The following RTN1 variants were observed in gnomAD, a reference collection of about 807,000 sequenced individuals.
RTN1 encodes the protein reticulon-1.
Under a neutral mutation model 65.5 loss-of-function variants are expected in RTN1, and 25 were observed. The observed-to-expected ratio is 0.38, with a 90% CI of 0.28 to 0.53. The LOEUF is 0.53. RTN1 is among the 20% of genes least tolerant of loss of function. The pLI is 0.79. For missense variants in RTN1, 983 were observed against 1,025.4 expected, an observed-to-expected ratio of 0.96 and a Z score of 0.57; for synonymous variants, 471 against 447.6, an observed-to-expected ratio of 1.05 and a Z score of -0.66.
At chr14:59,763,780 C>A (rs1885797615) in intron 1 of RTN1, among the ~76,000 whole-genome samples, 1 of 152,128 alleles carries the variant, frequency 6.6e-6, no homozygotes, top group East Asian at 1.9e-4. Flanking sequence ...ATCCACCTGC[C>A]TCGGCCTCCC....
chr14:59,719,067 C>A (rs1884596272), intron 3 of RTN1, among the ~76,000 whole-genome samples: 1 of 152,204 alleles, frequency 6.6e-6, no homozygotes, highest in East Asian at 1.9e-4. Flanking sequence ...CTCCCTACAG[C>A]AGCCAATGTG....
intron 1 of RTN1, among the ~76,000 whole-genome samples, chr14:59,788,170 A>C (rs1453990963): frequency 6.6e-6 from 1 of 152,238 alleles, no homozygotes; most frequent in Admixed American, 6.5e-5. Flanking sequence ...ACAATGCTCC[A>C]ATAAATGTCC....
intron 3 of RTN1, among the ~76,000 whole-genome samples, chr14:59,708,262 T>C (rs1489585063): frequency 6.6e-6 from 1 of 152,200 alleles, no homozygotes; most frequent in Non-Finnish European, 1.5e-5. Context: ...AAGCTCGGTG[T>C]GGTAAAGCGT....
intron 1 of RTN1, among the ~76,000 whole-genome samples, chr14:59,800,585 A>G (rs1886526117): frequency 6.6e-6 from 1 of 152,102 alleles, no homozygotes; most frequent in African/African-American, 2.4e-5. Flanking sequence ...CATTTTTAGT[A>G]GAGACAGGGT....
In RTN1 at chr14:59,727,199, C is replaced by A; in HGVS notation, c.1485G>T (p.Leu495=). ...CGCCAGTCTCCTCCCGGATGGCATCCAGGGCGCTGGGCTTCATCGGGGGTG... is the reference window on the plus strand; with the variant it reads ...CGCCAGTCTCCTCCCGGATGGCATCAAGGGCGCTGGGCTTCATCGGGGGTG... ...QDSPPMKPSA[L]DAIREETGVR... is the part of the protein sequence containing the mutation. The change falls in exon 3 of 9, where the codon CTG becomes CTT. Residue 495 remains leucine, a synonymous_variant. Coordinates refer to ENST00000267484, the MANE Select transcript of RTN1 (RefSeq NM_021136.3). The surrounding 1 kb of genome is among the most constrained non-coding windows in gnomAD (Gnocchi z 4.2). 1 of 1,582,464 alleles carries A rather than the reference C, an allele frequency of 6.3e-7. No homozygotes were observed. The highest frequency in any genetic ancestry group is 8.6e-7 in the Non-Finnish European group (1 of 1,164,284).
intron 1 of RTN1, among the ~76,000 whole-genome samples, chr14:59,778,066 A>C (rs577836473): frequency 2.0e-5 from 3 of 152,188 alleles, no homozygotes; most frequent in Admixed American, 6.5e-5. Context: ...GCTTAAAAAA[A>C]TGCTTTCCTT....
intron 1 of RTN1, among the ~76,000 whole-genome samples, chr14:59,786,249 T>A (rs1428426868): frequency 6.6e-6 from 1 of 152,212 alleles, no homozygotes; most frequent in East Asian, 1.9e-4. Flanking sequence ...TGCAGTCAGA[T>A]AGGCCTAGGT....
intron 3 of RTN1, among the ~76,000 whole-genome samples, chr14:59,704,147 A>C (rs930318968): frequency 5.9e-5 from 9 of 152,148 alleles, no homozygotes; most frequent in Non-Finnish European, 1.2e-4. Flanking sequence ...GTCTGATGAA[A>C]GTTACGATCT....
chr14:59,658,519 C>G (rs1022229245), intron 3 of RTN1, among the ~76,000 whole-genome samples: 1 of 152,164 alleles, frequency 6.6e-6, no homozygotes, highest in Non-Finnish European at 1.5e-5. Context: ...CCCTCTGGGA[C>G]GAAGCTTCCA....
Position 59,727,115 on chromosome 14 carries a change from G to A in RTN1, c.1569C>T (p.Leu523=), listed in dbSNP as rs949845127. 3.7e-6 allele frequency: 6 copies of A among 1,609,048 alleles called. No homozygotes were observed. The highest frequency in any genetic ancestry group is 3.4e-6 in the Non-Finnish European group (4 of 1,177,844). Residue 523 remains leucine, a synonymous_variant, in exon 3 of 9, where the codon CTC becomes CTT. Coordinates refer to ENST00000267484, the MANE Select transcript of RTN1 (RefSeq NM_021136.3). The surrounding 1 kb of genome is among the most constrained non-coding windows in gnomAD (Gnocchi z 4.2). ...GCTGGGGCTCAGTTGAGGGGTAGTC[G>A]AGGAAGGAACCCGGCTCGGCCAGGC... ...RRGLAEPGSF[L]DYPSTEPQPG... is the part of the protein sequence containing the mutation.
chr14:59,762,204 T>G (rs1885762554), intron 1 of RTN1, among the ~76,000 whole-genome samples: 1 of 152,170 alleles, frequency 6.6e-6, no homozygotes, highest in South Asian at 2.1e-4. Context: ...GTCCTGGAAT[T>G]GGACATCCCC....
intron 1 of RTN1, among the ~76,000 whole-genome samples, chr14:59,845,913 G>GA (rs58662884): frequency 1.5e-4 from 22 of 148,960 alleles, no homozygotes; most frequent in Middle Eastern, 3.4e-3. Context: ...TGCTAGAGGA[G>GA]AAAAAAAAAA....
chr14:59,837,401 T>C (rs1957306), intron 1 of RTN1, among the ~76,000 whole-genome samples: 39,922 of 151,774 alleles, frequency 0.26, 5,564 homozygotes, highest in East Asian at 0.55. Flanking sequence ...GGTTTTTAAA[T>C]GTAAAACAAA....
At chr14:59,848,568 G>A (rs561395986) in intron 1 of RTN1, among the ~76,000 whole-genome samples, 1 of 152,160 alleles carries the variant, frequency 6.6e-6, no homozygotes, top group Non-Finnish European at 1.5e-5. Flanking sequence ...CACTGTAATT[G>A]ATTTAAGATT....
At chr14:59,791,797 T>C (rs1406907209) in intron 1 of RTN1, among the ~76,000 whole-genome samples, 2 of 152,244 alleles carry the variant, frequency 1.3e-5, no homozygotes, top group African/African-American at 2.4e-5. Flanking sequence ...ATAGTCACAC[T>C]TTATTCCCTC....
rs747660081 is a variant in RTN1, at chr14:59,661,396, T to C, written c.1766-53904A>G. Among the ~76,000 whole-genome samples the C allele has an allele frequency of 9.2e-5, 14 of 152,038 alleles. 1 individual carries two copies. The highest frequency in any genetic ancestry group is 3.9e-4 in the East Asian group (2 of 5,186). On this transcript the variant is annotated intron_variant, in intron 3 of 8. Coordinates refer to ENST00000267484, the MANE Select transcript of RTN1 (RefSeq NM_021136.3). ...AAAAGAGGGAATCCTCCCTAACTCA[T>C]TTTATGAGGCTAGCATCATCCTGAT...
At chr14:59,755,240 C>T (rs1885613332) in intron 1 of RTN1, among the ~76,000 whole-genome samples, 1 of 152,122 alleles carries the variant, frequency 6.6e-6, no homozygotes. Flanking sequence ...CTCCATTAGA[C>T]AAACATCTGG....
chr14:59,634,361 G>T (rs1396942598), intron 3 of RTN1, among the ~76,000 whole-genome samples: 1 of 152,144 alleles, frequency 6.6e-6, no homozygotes, highest in Admixed American at 6.5e-5. Flanking sequence ...ACTTCATTAT[G>T]ATCAAAGAAC....
chr14:59,683,559 G>A (rs1883785574), intron 3 of RTN1, among the ~76,000 whole-genome samples: 1 of 151,908 alleles, frequency 6.6e-6, no homozygotes, highest in Non-Finnish European at 1.5e-5. Flanking sequence ...CACAAATGAT[G>A]GCTTTTTACC....
Sources: gnomAD v4.1 joint callset for allele counts (sites outside exome capture counted in the v4.1 genomes callset) on GRCh38, gnomAD v4.1.1 for gene constraint, Gnocchi (gnomAD v3.1) non-coding constraint, MANE v1.5 for transcripts, NCBI Gene and HGNC (gene_info 2026-07-23, HGNC 2026-07-21) for gene names.